PTPRJ: variants seen among roughly 807,000 people sequenced by gnomAD.
PTPRJ encodes protein tyrosine phosphatase receptor type J.
In PTPRJ, 129 loss-of-function variants were observed where a neutral mutation model predicts 141.3. The observed-to-expected ratio is 0.91, with a 90% CI of 0.79 to 1.06. PTPRJ has a LOEUF of 1.06. Ranked by LOEUF, PTPRJ falls within the 50% of genes least tolerant of loss-of-function variation. The pLI is 0.00. For missense variants in PTPRJ, 1,601 were observed against 1,679.7 expected, an observed-to-expected ratio of 0.95 and a Z score of 0.82; for synonymous variants, 610 against 640.5, an observed-to-expected ratio of 0.95 and a Z score of 0.72.
At chr11:48,066,859 T>G (rs1353726520) in intron 1 of PTPRJ, among the ~76,000 whole-genome samples, 1 of 152,148 alleles carries the variant, frequency 6.6e-6, no homozygotes. Flanking sequence ...GTGCTGGGAT[T>G]ACAGGCGTGA....
chr11:48,157,046 G>A (rs12800804), intron 21 of PTPRJ, among the ~76,000 whole-genome samples: 18,270 of 151,812 alleles, frequency 0.12, 1,231 homozygotes, highest in African/African-American at 0.16. Flanking sequence ...CTGGAGTGCC[G>A]TGGTGTGATC....
intron 1 of PTPRJ, among the ~76,000 whole-genome samples, chr11:48,069,616 A>T (rs1020126488): frequency 2.0e-5 from 3 of 150,846 alleles, no homozygotes; most frequent in Admixed American, 2.0e-4. Context: ...CCCCCGGCTA[A>T]TTTTTTTTGT....
Position 48,121,239 on chromosome 11 carries a change from G to T in PTPRJ, c.589G>T (p.Asp197Tyr), listed in dbSNP as rs1273737491. 1 of 1,614,042 alleles carries T rather than the reference G, an allele frequency of 6.2e-7. No individual in the cohort carries two copies. Among genetic ancestry groups the T allele is most frequent in the Admixed American group, 1.7e-5 (1 of 60,020 alleles). ...AGGAATAGGCAATGAGACTTGGGGA[G>T]ATCCCAGAGTCATAAAAGTCATCAC... is the stretch of plus-strand genomic sequence containing the variant. The part of the protein sequence containing the change: ...TPGIGNETWG[D>Y]PRVIKVITEP... Residue 197 changes from aspartate to tyrosine, a missense_variant, in exon 4 of 25, where the codon GAT (aspartate) becomes TAT (tyrosine). Coordinates refer to ENST00000418331, the MANE Select transcript of PTPRJ (RefSeq NM_002843.4).
chr11:48,070,210 G>A (rs1172311155), intron 1 of PTPRJ, among the ~76,000 whole-genome samples: 1 of 152,136 alleles, frequency 6.6e-6, no homozygotes, highest in Admixed American at 6.6e-5. Flanking sequence ...GTTGAGAAAT[G>A]GCACAAGGGG....
intron 1 of PTPRJ, among the ~76,000 whole-genome samples, chr11:48,000,081 C>CAAA (rs1430446344): frequency 2.2e-4 from 33 of 151,102 alleles, no homozygotes; most frequent in Admixed American, 4.0e-4. Context: ...CTGGTCTTGC[C>CAAA]CTCCTCACCT....
chr11:48,009,814 T>G (rs923485151), intron 1 of PTPRJ, among the ~76,000 whole-genome samples: 1 of 152,200 alleles, frequency 6.6e-6, no homozygotes, highest in Admixed American at 6.5e-5. Flanking sequence ...CCTTATCTCT[T>G]TGGGTTGTTG....
chr11:48,096,862 G>A (rs1457562982), intron 1 of PTPRJ: 1 of 154,742 alleles, frequency 6.5e-6, no homozygotes, highest in African/African-American at 2.4e-5. Context: ...TCCCTGGATG[G>A]TTCTGCTACC....
chr11:48,013,928 C>T (rs940572751), intron 1 of PTPRJ, among the ~76,000 whole-genome samples: 2 of 151,196 alleles, frequency 1.3e-5, no homozygotes, highest in African/African-American at 2.4e-5. Flanking sequence ...TGGGGGTTGG[C>T]TTTGCTGAAG....
At chr11:47,991,120 T>C (rs1278935080) in intron 1 of PTPRJ, among the ~76,000 whole-genome samples, 2 of 152,160 alleles carry the variant, frequency 1.3e-5, no homozygotes, top group African/African-American at 4.8e-5. Flanking sequence ...AAATGTATAA[T>C]ATGAAGCAGT....
intron 12 of PTPRJ, 69 bp from the exon 13 acceptor site, chr11:48,144,606 A>T: frequency 1.6e-6 from 2 of 1,234,538 alleles, no homozygotes; most frequent in South Asian, 1.3e-5. Context: ...ACCACCATGT[A>T]GATATGCAGG....
At chr11:47,990,101 G>A (rs1854149683) in intron 1 of PTPRJ, among the ~76,000 whole-genome samples, 1 of 152,076 alleles carries the variant, frequency 6.6e-6, no homozygotes, top group African/African-American at 2.4e-5. Flanking sequence ...ATTTCTGATT[G>A]TGCCACTGCA....
At chr11:48,149,810 G>A in intron 16 of PTPRJ, 180 bp from the exon 17 acceptor site, 1 of 588,192 alleles carries the variant, frequency 1.7e-6, no homozygotes, top group Non-Finnish European at 3.0e-6. Context: ...ACAAAGTAGG[G>A]TCTAGAAATC....
At chr11:48,105,446 A>G (rs1448994032) in intron 1 of PTPRJ, among the ~76,000 whole-genome samples, 2 of 152,160 alleles carry the variant, frequency 1.3e-5, no homozygotes, top group African/African-American at 2.4e-5. Context: ...CACCAAGTGA[A>G]TTGAAGGGTG....
intron 1 of PTPRJ, among the ~76,000 whole-genome samples, chr11:48,068,543 T>C (rs1244571548): frequency 6.6e-6 from 1 of 152,206 alleles, no homozygotes. Flanking sequence ...CATGTGGAAC[T>C]GTGAGTCAAT....
intron 1 of PTPRJ, among the ~76,000 whole-genome samples, chr11:48,028,096 A>T (rs2930193): frequency 0.067 from 10,172 of 152,238 alleles, 1,081 homozygotes; most frequent in African/African-American, 0.23. Flanking sequence ...GAAACATCTT[A>T]GCTACTACTG....
In PTPRJ at chr11:48,143,368, G is replaced by A. The variant is rs188383793; in HGVS notation, c.2575+318G>A. ...ATGAGTGGGACCATTCCCACTAGAT[G>A]TTATTTACCATGGCAGGTGGATTTG... On this transcript the variant is annotated intron_variant, in intron 12 of 24. Transcript: ENST00000418331. Among the ~76,000 whole-genome samples, 84 of 152,324 alleles carry A rather than the reference G, an allele frequency of 5.5e-4. 1 individual carries two copies. The highest frequency in any genetic ancestry group is 8.5e-4 in the Admixed American group (13 of 15,304).
At chr11:48,013,363 G>A (rs1590403744) in intron 1 of PTPRJ, among the ~76,000 whole-genome samples, 1 of 152,174 alleles carries the variant, frequency 6.6e-6, no homozygotes, top group South Asian at 2.1e-4. Context: ...GTCAAGGCCA[G>A]TGGTCTATCA....
intron 1 of PTPRJ, among the ~76,000 whole-genome samples, chr11:47,991,690 T>C (rs1443558454): frequency 6.6e-6 from 1 of 152,112 alleles, no homozygotes; most frequent in African/African-American, 2.4e-5. Flanking sequence ...GAAGGGAAAT[T>C]GCTGGCCAGT....
At chr11:48,086,777 G>A (rs993534808) in intron 1 of PTPRJ, among the ~76,000 whole-genome samples, 2 of 152,172 alleles carry the variant, frequency 1.3e-5, no homozygotes, top group African/African-American at 4.8e-5. Flanking sequence ...TATAACTTCC[G>A]GGTGCTCTTC....
Sources: gnomAD v4.1 joint callset for allele counts (sites outside exome capture counted in the v4.1 genomes callset) on GRCh38, gnomAD v4.1.1 for gene constraint, MANE v1.5 for transcripts, NCBI Gene and HGNC (gene_info 2026-07-23, HGNC 2026-07-21) for gene names.